TCF4: variants seen among roughly 807,000 people sequenced by gnomAD.
TCF4 encodes the protein SL3-3 enhancer factor 2.
Under a neutral mutation model 82.1 loss-of-function variants are expected in TCF4, and 3 were observed. That is an observed-to-expected ratio of 0.04 (90% CI 0.02 to 0.09). The LOEUF (loss-of-function observed/expected upper bound fraction) is 0.09. Ranked by LOEUF, TCF4 falls within the 10% of genes least tolerant of loss-of-function variation. The pLI, the probability that TCF4 is intolerant of heterozygous loss-of-function variation, is 1.00. For synonymous variants in TCF4, 276 were observed against 309.6 expected (o/e 0.89, Z 1.14); for missense variants, 518 against 852.7 (o/e 0.61, Z 4.89).
chr18:55,622,043 T>G (rs1433470510), intron 2 of TCF4, among the ~76,000 whole-genome samples: 8 of 136,496 alleles, frequency 5.9e-5, no homozygotes, highest in Admixed American at 4.2e-4. Flanking sequence ...ATATATACAC[T>G]ATATATAATA....
At chr18:55,525,554 CA>C (rs1404015069) in intron 3 of TCF4, among the ~76,000 whole-genome samples, 1 of 152,102 alleles carries the variant, frequency 6.6e-6, no homozygotes, top group Non-Finnish European at 1.5e-5. Context: ...AAATGAGACA[CA>C]GTAAAGTTAA....
rs114948864 is a variant in TCF4 at position 55,508,170 on chromosome 18, G to A, written c.146-44033C>T. ...CACCCCCCACCAACAAAATGCCTCT[G>A]GCAAATAACACCTTATTATTTGATA... On this transcript the variant is annotated intron_variant, in intron 3 of 19. Transcript: ENST00000354452. Among the ~76,000 whole-genome samples, 899 of 152,056 alleles carry A rather than the reference G, an allele frequency of 5.9e-3. 12 individuals carry two copies. Among genetic ancestry groups the A allele is most frequent in the African/African-American group, 0.021 (873 of 41,458 alleles).
intron 3 of TCF4, among the ~76,000 whole-genome samples, chr18:55,560,736 A>G (rs943382338): frequency 4.6e-5 from 7 of 152,182 alleles, no homozygotes; most frequent in African/African-American, 1.7e-4. Flanking sequence ...ACATAAGTGC[A>G]TCCAGAGCAT....
intron 6 of TCF4, among the ~76,000 whole-genome samples, chr18:55,365,925 A>C (rs981387927): frequency 1.3e-5 from 2 of 151,968 alleles, no homozygotes; most frequent in African/African-American, 4.8e-5. Flanking sequence ...ACAACAACAA[A>C]AAAACTATTT....
At chr18:55,510,379 T>C (rs1057260578) in intron 3 of TCF4, among the ~76,000 whole-genome samples, 1 of 152,136 alleles carries the variant, frequency 6.6e-6, no homozygotes, top group African/African-American at 2.4e-5. Flanking sequence ...ATATTCCACA[T>C]TACTTTCTCA....
intron 8 of TCF4, among the ~76,000 whole-genome samples, chr18:55,294,651 C>T (rs966486059): frequency 2.6e-5 from 4 of 152,200 alleles, no homozygotes; most frequent in East Asian, 1.9e-4. Flanking sequence ...AAAGGTATCA[C>T]GCTGCAATTC....
At chr18:55,279,124 A>C (rs1601240001) in intron 9 of TCF4, among the ~76,000 whole-genome samples, 1 of 152,250 alleles carries the variant, frequency 6.6e-6, no homozygotes, top group East Asian at 1.9e-4. Flanking sequence ...CAAATTAGTA[A>C]GTGGGTGAAA....
chr18:55,359,219 C>T (rs2084417130), intron 6 of TCF4, among the ~76,000 whole-genome samples: 1 of 152,220 alleles, frequency 6.6e-6, no homozygotes, highest in Admixed American at 6.5e-5. Context: ...GCCTGCCATT[C>T]ATCTTTAATC....
chr18:55,592,372 T>A (rs2097686477), upstream of TCF4, among the ~76,000 whole-genome samples: 1 of 152,176 alleles, frequency 6.6e-6, no homozygotes, highest in African/African-American at 2.4e-5. Flanking sequence ...GAGGGCTCTC[T>A]TCCTGGCTTG....
intron 8 of TCF4, among the ~76,000 whole-genome samples, chr18:55,297,422 T>C (rs1907581611): frequency 6.6e-6 from 1 of 151,644 alleles, no homozygotes. Context: ...AAGTACAAAT[T>C]TGCAATGTAT....
chr18:55,290,417 T>C (rs1305435842), intron 8 of TCF4, among the ~76,000 whole-genome samples: 1 of 152,172 alleles, frequency 6.6e-6, no homozygotes, highest in Non-Finnish European at 1.5e-5. Context: ...CTCCCTGTCT[T>C]TGGGAAATGC....
At chr18:55,511,349 A>AAAAAAAT in intron 3 of TCF4, among the ~76,000 whole-genome samples, 1 of 151,304 alleles carries the variant, frequency 6.6e-6, no homozygotes. Flanking sequence ...AAAAAAAAAA[A>AAAAAAAT]AGCATTCTCT....
At chr18:55,383,527 C>CAAA (rs1175977261) in intron 6 of TCF4, among the ~76,000 whole-genome samples, 2 of 152,166 alleles carry the variant, frequency 1.3e-5, no homozygotes, top group Non-Finnish European at 2.9e-5. Flanking sequence ...AGTAGATGCT[C>CAAA]AAATAGAGCT....
chr18:55,611,476 T>C (rs1312405894), intron 2 of TCF4, among the ~76,000 whole-genome samples: 1 of 152,122 alleles, frequency 6.6e-6, no homozygotes, highest in African/African-American at 2.4e-5. Flanking sequence ...ACCTAGAGCC[T>C]TCCACCCTTT....
Position 55,585,372 on chromosome 18 carries a change from A to G in TCF4, c.73-20T>C, listed in dbSNP as rs780380290. Reference sequence around the variant, plus strand: ...AAACATCTAAAAGAAACAAAGAAATATTACAGTTGAAAAGAAGACACTTGT... The same window carrying G: ...AAACATCTAAAAGAAACAAAGAAATGTTACAGTTGAAAAGAAGACACTTGT... On this transcript the variant is annotated intron_variant, in intron 2 of 19. Transcript: ENST00000354452. 2 of 1,609,330 alleles carry G rather than the reference A, an allele frequency of 1.2e-6. No homozygotes were observed. The highest frequency in any genetic ancestry group is 2.7e-5 in the African/African-American group (2 of 74,814).
intron 5 of TCF4, among the ~76,000 whole-genome samples, chr18:55,414,377 T>G (rs1164235814): frequency 2.6e-5 from 4 of 152,112 alleles, no homozygotes; most frequent in Non-Finnish European, 5.9e-5. Context: ...TCTAAGTTCT[T>G]TGATCACTCC....
chr18:55,566,773 G>A (rs531255697), intron 3 of TCF4, among the ~76,000 whole-genome samples: 5 of 152,020 alleles, frequency 3.3e-5, no homozygotes, highest in Non-Finnish European at 5.9e-5. Flanking sequence ...ACATGTAATC[G>A]GAATCCCCAA....
intron 8 of TCF4, among the ~76,000 whole-genome samples, chr18:55,287,388 G>T (rs1248733426): frequency 1.3e-5 from 2 of 152,088 alleles, no homozygotes; most frequent in African/African-American, 4.8e-5. Flanking sequence ...ATTAAACCTG[G>T]GGCTAAATCC....
intron 12 of TCF4, among the ~76,000 whole-genome samples, chr18:55,260,470 C>T (rs968418185): frequency 1.1e-4 from 17 of 152,196 alleles, no homozygotes; most frequent in African/African-American, 3.9e-4. Flanking sequence ...TTACTTAGGG[C>T]ACAATGCTAA....
Sources: gnomAD v4.1 joint callset for allele counts (sites outside exome capture counted in the v4.1 genomes callset) on GRCh38, gnomAD v4.1.1 for gene constraint, MANE v1.5 for transcripts, NCBI Gene and HGNC (gene_info 2026-07-23, HGNC 2026-07-21) for gene names.